NEB: variants seen among roughly 807,000 people sequenced by gnomAD.
The protein encoded by NEB is nebulin.
Under a neutral mutation model 952.2 loss-of-function variants are expected in NEB, and 512 were observed. The observed-to-expected ratio is 0.54, with a 90% CI of 0.50 to 0.58. The LOEUF is 0.58. NEB is among the 20% of genes least tolerant of loss of function. The pLI is 0.00. For synonymous variants in NEB, 2,900 were observed against 3,149.8 expected, an observed-to-expected ratio of 0.92 and a Z score of 2.66; for missense variants, 8,428 against 9,231.1, an observed-to-expected ratio of 0.91 and a Z score of 3.56.
chr2:151,691,914 T>C lies in NEB; in HGVS notation c.2161A>G (p.Thr721Ala). ...EDKGKCYFPQ[T>A]ITQEYEAIKK... ...ATTGCTTCATATTCTTGTGTTATTG[T>C]CTGAGGGAAATAGCATTTTCCTTTA... The change falls in exon 23 of 182, where the codon ACA becomes GCA. Residue 721 changes from threonine to alanine, a missense_variant. Thr to Ala is a moderately conservative substitution (Grantham distance 58). Transcript: ENST00000397345. 6.2e-7 allele frequency: 1 copy of C among 1,607,544 alleles called. No homozygotes were observed. The highest frequency in any genetic ancestry group is 8.5e-7 in the Non-Finnish European group (1 of 1,176,064).
At chr2:151,573,247 A>G (rs2096708352) in intron 107 of NEB, among the ~76,000 whole-genome samples, 1 of 152,230 alleles carries the variant, frequency 6.6e-6, no homozygotes, top group African/African-American at 2.4e-5. Flanking sequence ...ATTCTCATTA[A>G]TATCTTAATA....
At position 151,561,106 on chromosome 2, in the gene NEB, T is replaced by G. The variant is rs1577576100; in HGVS notation, c.19104A>C (p.Val6368=). ...AVQSGINASE[V]KYKENYHQIK... ...TCTGATGATAATTTTCTTTATATTT[T>G]ACCTGTAGACAAGCAACAATAGGTT... The change falls in exon 123 of 182, where the codon GTA becomes GTC. Residue 6368 remains valine (V), a splice_region_variant and synonymous_variant. Transcript: ENST00000397345. 1.3e-6 allele frequency: 2 copies of G among 1,578,532 alleles called. No homozygotes were observed. Among genetic ancestry groups the G allele is most frequent in the South Asian group, 2.3e-5 (2 of 87,700 alleles).
At chr2:151,630,300 A>G (rs1246417540) in intron 67 of NEB, among the ~76,000 whole-genome samples, 2 of 152,206 alleles carry the variant, frequency 1.3e-5, no homozygotes, top group African/African-American at 4.8e-5. Flanking sequence ...TTCTTTCTAT[A>G]GACAAAGCTC....
At chr2:151,487,913 A>T (rs1039939196) in intron 181 of NEB, among the ~76,000 whole-genome samples, 1 of 152,096 alleles carries the variant, frequency 6.6e-6, no homozygotes, top group Non-Finnish European at 1.5e-5. Flanking sequence ...TCCTGACCTA[A>T]TTTTTTAAGT....
intron 172 of NEB, 147 bp from the exon 173 acceptor site, chr2:151,496,515 A>T: frequency 6.9e-7 from 1 of 1,439,712 alleles, no homozygotes; most frequent in Non-Finnish European, 9.3e-7. Flanking sequence ...GCCACCAGCT[A>T]CTTTAGTGGA....
rs1287787210 is a variant in NEB at position 151,570,535 on chromosome 2, T to C, written c.17080A>G (p.Ile5694Val). 1.2e-6 allele frequency: 2 copies of C among 1,611,460 alleles called. No homozygotes were observed. The highest frequency in any genetic ancestry group is 2.7e-5 in the African/African-American group (2 of 74,784). ...GCDVRLDAIP[I>V]QAAKASREIA... is the part of the protein sequence containing the mutation. ...TCCCTGGAGGCCTTGGCAGCCTGGA[T>C]GGGGATGGCATCCAGCCGGACATCA... Residue 5694 changes from isoleucine to valine, a missense_variant, in exon 108 of 182, where the codon ATC becomes GTC. Around this residue, in one of 11 missense-constraint regions of NEB, gnomAD observed 3,374 missense variants for 3,651.5 expected, o/e 0.92. Coordinates refer to ENST00000397345, the MANE Select transcript of NEB (RefSeq NM_001164508.2).
At chr2:151,715,669 C>A (rs916299449) in intron 10 of NEB, among the ~76,000 whole-genome samples, 3 of 152,340 alleles carry the variant, frequency 2.0e-5, no homozygotes, top group South Asian at 4.1e-4. Flanking sequence ...GAACTGAATC[C>A]GTGATCTTAG....
At chr2:151,560,876 G>C in intron 123 of NEB, 128 bp downstream of exon 123, 1 of 761,962 alleles carries the variant, frequency 1.3e-6, no homozygotes, top group African/African-American at 1.8e-5. Context: ...GGTAAAGTAA[G>C]ATTGAAGGTC....
chr2:151,488,297 A>G (rs16830094), intron 181 of NEB, among the ~76,000 whole-genome samples: 1 of 152,066 alleles, frequency 6.6e-6, no homozygotes, highest in African/African-American at 2.4e-5. Context: ...AATTGGCCAG[A>G]CTTTTATACT....
At chr2:151,669,787 A>G (rs2099263732) in intron 38 of NEB, among the ~76,000 whole-genome samples, 1 of 152,214 alleles carries the variant, frequency 6.6e-6, no homozygotes, top group Non-Finnish European at 1.5e-5. Context: ...TAAGAGGGAC[A>G]TGATTTGATT....
intron 23 of NEB, among the ~76,000 whole-genome samples, chr2:151,691,262 G>C (rs958471627): frequency 2.6e-5 from 4 of 152,024 alleles, no homozygotes; most frequent in Non-Finnish European, 5.9e-5. Flanking sequence ...CTCTCCTTAG[G>C]CCGTTCTTCC....
intron 128 of NEB, 146 bp from the exon 129 acceptor site, chr2:151,551,991 G>A (rs1018622541): frequency 3.3e-5 from 20 of 605,698 alleles, no homozygotes; most frequent in East Asian, 2.3e-4. Flanking sequence ...CAGAGCCAGC[G>A]TGTGGACACT....
At position 151,497,281 on chromosome 2, in the gene NEB, ATT is replaced by A. The variant is rs376283107; in HGVS notation, c.24301-250_24301-249del. 2.9e-4 allele frequency: 216 copies of A among 752,232 alleles called. 1 individual carries two copies. In the African/African-American group the frequency reaches 3.9e-3, roughly 13 times the overall value. The allele number at this position is 752,232 out of a possible 1,614,324, so 46.6% of individuals were successfully genotyped here. A position where few individuals can be genotyped will look rare whatever the true frequency, so the allele number is the denominator to read the frequency against. The stretch of plus-strand genomic sequence containing the variant: ...AAAGGCTGTCAGAGTTATCCATGTT[ATT>A]TTTTTTTTTCCTTTTTTGTGAGTAC... On this transcript the variant is annotated intron_variant, in intron 171 of 181. Transcript: ENST00000397345.
intron 69 of NEB, 143 bp downstream of exon 69, chr2:151,627,379 AG>A: frequency 7.0e-7 from 1 of 1,421,704 alleles, no homozygotes; most frequent in South Asian, 1.4e-5. Context: ...CTCCAAAAAA[AG>A]TAAGGGGAAG....
At chr2:151,497,759 A>ACATTT (rs1559220426) in intron 170 of NEB, 41 bp from the exon 171 acceptor site, 2 of 1,552,346 alleles carry the variant, frequency 1.3e-6, no homozygotes, top group East Asian at 4.8e-5. Context: ...ACCATGAGTA[A>ACATTT]CATTTCATTT....
At chr2:151,555,319 A>G (rs1469504373) in intron 124 of NEB, among the ~76,000 whole-genome samples, 3 of 152,218 alleles carry the variant, frequency 2.0e-5, no homozygotes, top group African/African-American at 4.8e-5. Flanking sequence ...AAATTCCTAT[A>G]GCAATACTAG....
chr2:151,545,870 CAAGT>C lies in NEB; in HGVS notation c.20577+14_20577+17del, dbSNP rs752828094. 9 of 1,469,228 alleles carry C rather than the reference CAAGT, an allele frequency of 6.1e-6. No individual in the cohort carries two copies. The highest frequency in any genetic ancestry group is 8.5e-6 in the Non-Finnish European group (9 of 1,057,472). The allele number at this position is 1,469,228 out of a possible 1,614,324, so 91.0% of individuals were successfully genotyped here. A position where few individuals can be genotyped will look rare whatever the true frequency, so the allele number is the denominator to read the frequency against. ...TGGTCAATTTGATTGACTTCAATGA[CAAGT>C]AAAGCGTCCTTACCTCACTCAGATG... On this transcript the variant is annotated intron_variant, in intron 135 of 181. Coordinates refer to ENST00000397345, the MANE Select transcript of NEB (RefSeq NM_001164508.2).
chr2:151,676,679 T>C (rs1388178560), intron 34 of NEB, among the ~76,000 whole-genome samples: 1 of 152,168 alleles, frequency 6.6e-6, no homozygotes, highest in Non-Finnish European at 1.5e-5. Flanking sequence ...GAATGCTCAC[T>C]TCTCTCACTT....
chr2:151,495,473 T>G (rs1397137387), intron 173 of NEB: 1 of 152,338 alleles, frequency 6.6e-6, no homozygotes, highest in African/African-American at 2.4e-5. Flanking sequence ...TTAGAAGCAC[T>G]GTACTCAAGT....
Sources: allele counts gnomAD v4.1 joint callset (sites outside exome capture counted in the v4.1 genomes callset), GRCh38; gene constraint gnomAD v4.1.1; regional missense constraint gnomAD v4.1.1; transcripts MANE v1.5; gene names NCBI Gene and HGNC (gene_info 2026-07-23, HGNC 2026-07-21).